Variants in RBFOX1 observed in about 807,000 individuals in gnomAD.
The protein encoded by RBFOX1 is RNA binding fox-1 homolog 1.
Under a neutral mutation model 57.7 loss-of-function variants are expected in RBFOX1, and 8 were observed. The observed-to-expected ratio is 0.14, with a 90% CI of 0.08 to 0.25. RBFOX1 has a LOEUF of 0.25. Ranked by LOEUF, RBFOX1 falls within the 10% of genes least tolerant of loss-of-function variation. The pLI is 1.00. For synonymous variants in RBFOX1, 326 were observed against 222.4 expected (o/e 1.47, Z -4.15); for missense variants, 611 against 548.5 (o/e 1.11, Z -1.14).
intron 12 of RBFOX1, among the ~76,000 whole-genome samples, chr16:7,656,002 G>GTGTT (rs2066213770): frequency 6.7e-6 from 1 of 148,494 alleles, no homozygotes; most frequent in African/African-American, 2.4e-5. Flanking sequence ...ATGAAACAAT[G>GTGTT]TGTTTGTAAC....
chr16:5,456,438 A>G (rs928834372), intron 1 of RBFOX1, among the ~76,000 whole-genome samples: 5 of 152,200 alleles, frequency 3.3e-5, no homozygotes, highest in East Asian at 1.9e-4. Flanking sequence ...TGGAAATAGA[A>G]TCATTCTTGG....
At chr16:6,195,648 G>A (rs1448187650) in intron 1 of RBFOX1, among the ~76,000 whole-genome samples, 1 of 152,022 alleles carries the variant, frequency 6.6e-6, no homozygotes, top group Non-Finnish European at 1.5e-5. Context: ...GAACCCGGGT[G>A]GTGGAGGTTG....
At chr16:5,698,066 G>C (rs1414188297) in intron 3 of RBFOX1, among the ~76,000 whole-genome samples, 1 of 151,954 alleles carries the variant, frequency 6.6e-6, no homozygotes, top group Non-Finnish European at 1.5e-5. Context: ...AATCGTTATT[G>C]GATTTTTGGA....
At chr16:6,831,994 T>A (rs1040332432) in intron 3 of RBFOX1, among the ~76,000 whole-genome samples, 1 of 152,210 alleles carries the variant, frequency 6.6e-6, no homozygotes, top group Non-Finnish European at 1.5e-5. Flanking sequence ...ATATACCGAA[T>A]GGTATCACTA....
At chr16:5,855,612 T>C (rs555113857) in intron 3 of RBFOX1, among the ~76,000 whole-genome samples, 34 of 152,314 alleles carry the variant, frequency 2.2e-4, no homozygotes, top group African/African-American at 7.9e-4. Context: ...CTATACTGTT[T>C]TGGTTACTGT....
At chr16:6,398,521 A>G (rs1379601130) in intron 2 of RBFOX1, among the ~76,000 whole-genome samples, 1 of 152,012 alleles carries the variant, frequency 6.6e-6, no homozygotes, top group Non-Finnish European at 1.5e-5. Flanking sequence ...GGATAAATAC[A>G]CTCATTCCAA....
At chr16:6,708,725 C>G (rs2063213316) in intron 3 of RBFOX1, among the ~76,000 whole-genome samples, 2 of 152,176 alleles carry the variant, frequency 1.3e-5, no homozygotes, top group African/African-American at 4.8e-5. Context: ...CCTTCTTGCC[C>G]TAGCCCATTA....
chr16:7,552,629 C>G (rs1295366531), intron 5 of RBFOX1, among the ~76,000 whole-genome samples: 1 of 152,176 alleles, frequency 6.6e-6, no homozygotes, highest in Non-Finnish European at 1.5e-5. Flanking sequence ...AGATTTATGT[C>G]TAAAGCATTT....
intron 2 of RBFOX1, among the ~76,000 whole-genome samples, chr16:6,412,151 A>T (rs1267876666): frequency 6.6e-6 from 1 of 150,990 alleles, no homozygotes; most frequent in East Asian, 2.0e-4. Flanking sequence ...AAAACAAAAA[A>T]ACAAAAAAAC....
chr16:7,705,480 TAGCAACAG>T (rs2082139010), intron 14 of RBFOX1, among the ~76,000 whole-genome samples: 2 of 152,066 alleles, frequency 1.3e-5, no homozygotes, highest in Non-Finnish European at 2.9e-5. Flanking sequence ...ACTCCAGCCT[TAGCAACAG>T]AGCAAGACCA....
In RBFOX1 at chr16:7,661,690, G is replaced by A. The variant is rs8056291; in HGVS notation, c.891-3239G>A. 2.7e-3 allele frequency among the ~76,000 whole-genome samples: 404 copies of A among 152,222 alleles called. 1 individual carries two copies. Among genetic ancestry groups the A allele is most frequent in the African/African-American group, 9.2e-3 (381 of 41,538 alleles). ...GGTTACTGAGGGGGCTTTCTTCTTC[G>A]GTCTTCATGCCTTCGCATAGTAGTT... On this transcript the variant is annotated intron_variant, in intron 12 of 15. Coordinates refer to ENST00000550418, the MANE Select transcript of RBFOX1 (RefSeq NM_018723.4).
At chr16:5,277,479 AT>A (rs2063169918) in intron 1 of RBFOX1, among the ~76,000 whole-genome samples, 1 of 3,766 alleles carries the variant, frequency 2.7e-4, no homozygotes, top group African/African-American at 3.2e-3. Flanking sequence ...TAAATTGTTA[AT>A]AGTCACTTTC....
At chr16:6,950,113 ATTTTTTTT>A (rs58222300) in intron 3 of RBFOX1, among the ~76,000 whole-genome samples, 9 of 120,930 alleles carry the variant, frequency 7.4e-5, no homozygotes, top group South Asian at 2.7e-4. Flanking sequence ...CGCAGAGGTA[ATTTTTTTT>A]TTTTTTTTTT....
At chr16:5,897,510 G>C (rs572916070) in intron 4 of RBFOX1, among the ~76,000 whole-genome samples, 1 of 152,252 alleles carries the variant, frequency 6.6e-6, no homozygotes, top group South Asian at 2.1e-4. Context: ...AATTGGCTTT[G>C]AATCTGCAAG....
chr16:5,932,696 C>T (rs1181263634), intron 4 of RBFOX1, among the ~76,000 whole-genome samples: 1 of 152,210 alleles, frequency 6.6e-6, no homozygotes, highest in African/African-American at 2.4e-5. Flanking sequence ...AAATCCACCA[C>T]TGGGGTCAGG....
chr16:7,221,595 G>A (rs964753430), intron 4 of RBFOX1, among the ~76,000 whole-genome samples: 5 of 152,140 alleles, frequency 3.3e-5, no homozygotes, highest in African/African-American at 9.7e-5. Flanking sequence ...TTGAACTCCT[G>A]ACCTCAGGTG....
chr16:6,825,548 C>A (rs1315718423), intron 3 of RBFOX1, among the ~76,000 whole-genome samples: 1 of 152,070 alleles, frequency 6.6e-6, no homozygotes, highest in Non-Finnish European at 1.5e-5. Flanking sequence ...ATTGAAGGTC[C>A]AGGTACCTAC....
At chr16:7,194,255 C>G (rs1245933791) in intron 4 of RBFOX1, among the ~76,000 whole-genome samples, 1 of 152,220 alleles carries the variant, frequency 6.6e-6, no homozygotes, top group African/African-American at 2.4e-5. Context: ...ATTTTAATAA[C>G]TTGTGATTGC....
rs147073908 is a variant in RBFOX1 at position 7,062,021 on chromosome 16, G to A, written c.27+9923G>A. On this transcript the variant is annotated intron_variant, in intron 4 of 15. Coordinates refer to ENST00000550418, the MANE Select transcript of RBFOX1 (RefSeq NM_018723.4). Reference sequence around the variant, plus strand: ...GCAGACAAACCTGAGATGGTCCCAGGAAAAATGGCAACGAGGCCGGGTGTG... The same window carrying A: ...GCAGACAAACCTGAGATGGTCCCAGAAAAAATGGCAACGAGGCCGGGTGTG... 9.9e-3 allele frequency among the ~76,000 whole-genome samples: 1,507 copies of A among 152,136 alleles called. 8 individuals are homozygous for A. Among genetic ancestry groups the A allele is most frequent in the Non-Finnish European group, 0.016 (1,121 of 67,988 alleles).
Sources: gnomAD v4.1 joint callset for allele counts (sites outside exome capture counted in the v4.1 genomes callset) on GRCh38, gnomAD v4.1.1 for gene constraint, MANE v1.5 for transcripts, NCBI Gene and HGNC (gene_info 2026-07-23, HGNC 2026-07-21) for gene names.